KCTD16: variants seen among roughly 807,000 people sequenced by gnomAD.
KCTD16 encodes BTB/POZ domain-containing protein KCTD16.
KCTD16 carries 13 observed loss-of-function variants against 33.2 expected under a neutral mutation model. The observed-to-expected ratio is 0.39, with a 90% CI of 0.25 to 0.62. KCTD16 has a LOEUF of 0.62. KCTD16 is among the 20% of genes least tolerant of loss of function. The pLI is 0.50. For synonymous variants in KCTD16, 197 were observed against 195.3 expected (o/e 1.01, Z -0.07); for missense variants, 441 against 525.1 (o/e 0.84, Z 1.57).
chr5:144,234,922 G>A (rs1398319899), intron 3 of KCTD16, among the ~76,000 whole-genome samples: 1 of 152,008 alleles, frequency 6.6e-6, no homozygotes, highest in African/African-American at 2.4e-5. Context: ...TCCCTAAAGA[G>A]ATCTCAGCCT....
chr5:144,355,722 T>C (rs1045333172), intron 3 of KCTD16, among the ~76,000 whole-genome samples: 5 of 152,130 alleles, frequency 3.3e-5, no homozygotes, highest in Admixed American at 1.3e-4. Context: ...CAATCTCCAC[T>C]CTGCTTCTCC....
rs548009814 is a variant in KCTD16 at position 144,207,594 on chromosome 5, C to A, written c.832+48C>A. ...ATTTTTTATGTGTGTCAATGCTCTT[C>A]ACAAATGTATATGGTCTGTGTGTTC... On this transcript the variant is annotated intron_variant, in intron 3 of 3. Coordinates refer to ENST00000512467, the MANE Select transcript of KCTD16 (RefSeq NM_020768.4). 32 of 1,329,414 alleles carry A rather than the reference C, an allele frequency of 2.4e-5. No homozygotes were observed. In the East Asian group the frequency reaches 7.2e-4, roughly 30 times the overall value. 82.4% of individuals were successfully genotyped at this position (1,329,414 alleles called of 1,614,324 possible).
chr5:144,472,798 C>T (rs868524264), intron 3 of KCTD16, among the ~76,000 whole-genome samples: 3 of 152,104 alleles, frequency 2.0e-5, no homozygotes, highest in Non-Finnish European at 4.4e-5. Context: ...GAGAAAAAAG[C>T]AAACACTTCT....
At chr5:144,276,776 A>G (rs1305602401) in intron 3 of KCTD16, among the ~76,000 whole-genome samples, 1 of 151,822 alleles carries the variant, frequency 6.6e-6, no homozygotes, top group African/African-American at 2.4e-5. Context: ...AGTGGCTTAC[A>G]CCTGTAATCC....
At chr5:144,323,155 T>C (rs544531557) in intron 3 of KCTD16, among the ~76,000 whole-genome samples, 1 of 152,246 alleles carries the variant, frequency 6.6e-6, no homozygotes, top group East Asian at 1.9e-4. Context: ...CTGAGACTGA[T>C]AGTGTGAAAT....
intron 3 of KCTD16, among the ~76,000 whole-genome samples, chr5:144,326,270 A>G (rs911566618): frequency 6.6e-6 from 1 of 152,182 alleles, no homozygotes; most frequent in Non-Finnish European, 1.5e-5. Context: ...CTGTGACAAT[A>G]AAGTCTGTGA....
intron 3 of KCTD16, among the ~76,000 whole-genome samples, chr5:144,249,532 G>A (rs1015781007): frequency 5.3e-5 from 8 of 152,078 alleles, no homozygotes; most frequent in Non-Finnish European, 1.2e-4. Flanking sequence ...TAAGTTAACG[G>A]GGGTAGGAAG....
chr5:144,391,987 C>A (rs1222397968), intron 3 of KCTD16, among the ~76,000 whole-genome samples: 1 of 152,156 alleles, frequency 6.6e-6, no homozygotes, highest in Non-Finnish European at 1.5e-5. Flanking sequence ...ACCATTATTT[C>A]TTCTCTTGGT....
At chr5:144,299,130 ATATATATATATATATATATTT>A (rs1393723673) in intron 3 of KCTD16, among the ~76,000 whole-genome samples, 6 of 27,128 alleles carry the variant, frequency 2.2e-4, no homozygotes, top group African/African-American at 4.0e-4. Context: ...ATATATATAT[ATATATATATATATATATATTT>A]TTTTTTTTTT....
At chr5:144,347,882 C>T (rs555369411) in intron 3 of KCTD16, among the ~76,000 whole-genome samples, 1 of 152,266 alleles carries the variant, frequency 6.6e-6, no homozygotes, top group South Asian at 2.1e-4. Context: ...AGATCTGCCC[C>T]AGGTGAGCTG....
intron 3 of KCTD16, among the ~76,000 whole-genome samples, chr5:144,270,797 A>C (rs1184178973): frequency 2.0e-5 from 3 of 151,870 alleles, no homozygotes; most frequent in Non-Finnish European, 4.4e-5. Context: ...TAAGAAAAAA[A>C]GAATACTCAA....
chr5:144,458,859 T>C (rs1021135915), intron 3 of KCTD16, among the ~76,000 whole-genome samples: 1 of 152,156 alleles, frequency 6.6e-6, no homozygotes, highest in African/African-American at 2.4e-5. Flanking sequence ...CAATCAGGTA[T>C]TAAGATGTGA....
At chr5:144,335,877 T>C (rs185686786) in intron 3 of KCTD16, among the ~76,000 whole-genome samples, 1 of 152,138 alleles carries the variant, frequency 6.6e-6, no homozygotes, top group East Asian at 1.9e-4. Context: ...GCTGAGAAAA[T>C]GGAGTTGTAG....
intron 1 of KCTD16, among the ~76,000 whole-genome samples, chr5:144,173,707 AT>A (rs1343953105): frequency 2.6e-5 from 4 of 152,150 alleles, no homozygotes; most frequent in Non-Finnish European, 5.9e-5. Context: ...CAATTAACGT[AT>A]TTATTTAAAT....
intron 2 of KCTD16, chr5:144,206,035 C>A (rs1435023728): frequency 1.3e-5 from 2 of 153,292 alleles, no homozygotes; most frequent in East Asian, 3.8e-4. Context: ...CTCCAGCACT[C>A]ACTAAGGTAA....
At chr5:144,339,860 C>T (rs1752583792) in intron 3 of KCTD16, among the ~76,000 whole-genome samples, 1 of 152,158 alleles carries the variant, frequency 6.6e-6, no homozygotes, top group African/African-American at 2.4e-5. Context: ...ATTTGTGATC[C>T]AGGACCAGGC....
At chr5:144,236,428 T>C (rs770894683) in intron 3 of KCTD16, among the ~76,000 whole-genome samples, 7 of 152,108 alleles carry the variant, frequency 4.6e-5, no homozygotes, top group Non-Finnish European at 1.0e-4. Flanking sequence ...TCCATAGAAA[T>C]TTATGGAACT....
intron 1 of KCTD16, among the ~76,000 whole-genome samples, chr5:144,171,795 G>A (rs1580764151): frequency 6.6e-6 from 1 of 152,290 alleles, no homozygotes. Flanking sequence ...GGATTTGTGT[G>A]TTGGTTCTAA....
At chr5:144,453,873 C>G (rs973855676) in intron 3 of KCTD16, among the ~76,000 whole-genome samples, 3 of 151,972 alleles carry the variant, frequency 2.0e-5, no homozygotes, top group Admixed American at 6.6e-5. Context: ...ATGTACCAAC[C>G]CTTTGTAATA....
Sources: gnomAD v4.1 joint callset for allele counts (sites outside exome capture counted in the v4.1 genomes callset) on GRCh38, gnomAD v4.1.1 for gene constraint, MANE v1.5 for transcripts, NCBI Gene and HGNC (gene_info 2026-07-23, HGNC 2026-07-21) for gene names.